ZIM2: variants seen among roughly 807,000 people sequenced by gnomAD.
The protein encoded by ZIM2 is zinc finger imprinted 2.
Under a neutral mutation model 38.6 loss-of-function variants are expected in ZIM2, and 14 were observed. The ratio of observed to expected loss-of-function variants is 0.36; its 90% CI spans 0.24 to 0.57. The LOEUF is 0.57. Ranked by LOEUF, ZIM2 falls within the 20% of genes least tolerant of loss-of-function variation. The probability of loss-of-function intolerance (pLI) is 0.81; values close to 1 mark genes in which losing one functional copy is unlikely to be tolerated. For missense variants in ZIM2, 680 were observed against 695.1 expected (o/e 0.98, Z 0.24); for synonymous variants, 247 against 245.8 (o/e 1.00, Z -0.04).
At chr19:56,812,042 T>C (rs1040153884) in intron 9 of ZIM2, 6 of 984,062 alleles carry the variant, frequency 6.1e-6, no homozygotes, top group Middle Eastern at 5.2e-4. Flanking sequence ...AGAGTAAGAT[T>C]CAGACACATT....
chr19:56,823,500 A>G, intron 5 of ZIM2, 90 bp downstream of exon 5: 3 of 1,492,780 alleles, frequency 2.0e-6, no homozygotes, highest in Non-Finnish European at 2.8e-6. Context: ...ATGGCGGGTC[A>G]TCTTCATGGA....
Position 56,821,727 on chromosome 19 carries a change from G to C in ZIM2, c.218C>G (p.Pro73Arg), listed in dbSNP as rs763203724. The change falls in exon 7 of 13, where the codon CCT (proline) becomes CGT (arginine). Residue 73 changes from proline to arginine, a missense_variant. Coordinates refer to ENST00000629319, the MANE Select transcript of ZIM2 (RefSeq NM_001387356.1). The part of the protein sequence containing the change: ...SRMPPRDLSL[P>R]VVAKTSFEMD... The stretch of plus-strand genomic sequence containing the variant: ...TTCAAAGCTTGTTTTCGCCACCACA[G>C]GAAGGGAAAGATCCCGCGGAGGCAT... 3 of 1,614,066 alleles carry C rather than the reference G, an allele frequency of 1.9e-6. No individual in the cohort carries two copies. Among genetic ancestry groups the C allele is most frequent in the Non-Finnish European group, 2.5e-6 (3 of 1,180,020 alleles).
intron 10 of ZIM2, among the ~76,000 whole-genome samples, chr19:56,782,847 A>C (rs1378527194): frequency 6.6e-6 from 1 of 152,156 alleles, no homozygotes; most frequent in Non-Finnish European, 1.5e-5. Flanking sequence ...TTAGGCATTT[A>C]TCCTTTGAGT....
chr19:56,800,624 G>T lies in ZIM2; in HGVS notation c.491-10673C>A, dbSNP rs192056064. Among the ~76,000 whole-genome samples the T allele has an allele frequency of 5.5e-4, 84 of 152,116 alleles. 1 individual carries two copies. Among genetic ancestry groups the T allele is most frequent in the South Asian group, 3.7e-3 (18 of 4,820 alleles). ...AAGTAAGAGAGAGAAAGAGAGAAAA[G>T]ATTTTTAGACATAAAGATGTATTTT... On this transcript the variant is annotated intron_variant, in intron 9 of 12. Coordinates refer to ENST00000629319, the MANE Select transcript of ZIM2 (RefSeq NM_001387356.1).
Position 56,789,894 on chromosome 19 carries a change from T to A in ZIM2, c.548A>T (p.Asn183Ile). 1.3e-6 allele frequency: 2 copies of A among 1,577,508 alleles called. No individual in the cohort carries two copies. Among genetic ancestry groups the A allele is most frequent in the Non-Finnish European group, 1.7e-6 (2 of 1,154,964 alleles). Residue 183 changes from asparagine (N) to isoleucine (I), a missense_variant, in exon 10 of 13, where the codon AAT becomes ATT. By Grantham distance (149) the Asn-to-Ile change is moderately radical. Transcript: ENST00000629319. Reference protein sequence around the residue: ...AEKRNTEMLDNLPSAGSQFPD... With the variant: ...AEKRNTEMLDILPSAGSQFPD... ...CACCTGGGACCCAGCAGATGGCAGA[T>A]TGTCTAACATCTCTGTGTTCCTCTT...
chr19:56,823,730 A>C (rs1332737435), intron 4 of ZIM2, 51 bp from the exon 5 acceptor site: 42 of 1,600,578 alleles, frequency 2.6e-5, no homozygotes, highest in Non-Finnish European at 3.4e-5. Context: ...CATTCTCACA[A>C]TAGTTCCCCC....
At chr19:56,800,958 C>CA (rs2047494325) in intron 9 of ZIM2, among the ~76,000 whole-genome samples, 1 of 134,328 alleles carries the variant, frequency 7.4e-6, no homozygotes, top group Non-Finnish European at 1.6e-5. Context: ...TTTTTTGAGA[C>CA]AGAGTCTTGC....
Position 56,775,034 on chromosome 19 carries a change from T to G in ZIM2, c.1331A>C (p.Glu444Ala), listed in dbSNP as rs1433000239. 2.5e-6 allele frequency: 4 copies of G among 1,614,106 alleles called. No homozygotes were observed. Among genetic ancestry groups the G allele is most frequent in the Non-Finnish European group, 3.4e-6 (4 of 1,180,024 alleles). Residue 444 changes from glutamate to alanine, a missense_variant, in exon 13 of 13, where the codon GAA becomes GCA. Coordinates refer to ENST00000629319, the MANE Select transcript of ZIM2 (RefSeq NM_001387356.1). ...AAAAGCTTTGCCGCACTGAAAACAT[T>G]CAAAGTAGTCCTCCTGACTGTGAAT... ...VRIHSQEDYF[E>A]CFQCGKAFLQ...
intron 12 of ZIM2, among the ~76,000 whole-genome samples, chr19:56,777,154 C>T (rs1050174564): frequency 6.6e-6 from 1 of 152,144 alleles, no homozygotes; most frequent in African/African-American, 2.4e-5. Context: ...CTGGCAGACA[C>T]TTGAAGTATG....
chr19:56,826,024 T>C (rs1420569461), intron 3 of ZIM2, among the ~76,000 whole-genome samples: 2 of 152,164 alleles, frequency 1.3e-5, no homozygotes, highest in Non-Finnish European at 1.5e-5. Context: ...CACCATCCAA[T>C]GCAAATGCCT....
At chr19:56,831,996 TAATC>T (rs2061611478) in intron 2 of ZIM2, among the ~76,000 whole-genome samples, 1 of 152,102 alleles carries the variant, frequency 6.6e-6, no homozygotes, top group Non-Finnish European at 1.5e-5. Context: ...ATGTAAAAAA[TAATC>T]AAACATATGG....
At chr19:56,806,546 T>C (rs2047764802) in intron 9 of ZIM2, among the ~76,000 whole-genome samples, 1 of 152,186 alleles carries the variant, frequency 6.6e-6, no homozygotes, top group African/African-American at 2.4e-5. Context: ...TGAGAAAATA[T>C]TTACTTCTTC....
chr19:56,779,204 G>A (rs1005505171), intron 12 of ZIM2, among the ~76,000 whole-genome samples, 173 bp downstream of exon 12: 1 of 152,164 alleles, frequency 6.6e-6, no homozygotes, highest in Admixed American at 6.5e-5. Context: ...CTAAGCAGGA[G>A]AGGAGCTCAT....
At chr19:56,779,190 G>C (rs1187686787) in intron 12 of ZIM2, among the ~76,000 whole-genome samples, 187 bp downstream of exon 12, 1 of 152,104 alleles carries the variant, frequency 6.6e-6, no homozygotes, top group Non-Finnish European at 1.5e-5. Flanking sequence ...TGGCCTCCCT[G>C]GAGCTAAGCA....
At chr19:56,839,823 G>A (rs572808913) in intron 1 of ZIM2, among the ~76,000 whole-genome samples, 1 of 152,002 alleles carries the variant, frequency 6.6e-6, no homozygotes, top group East Asian at 2.0e-4. Flanking sequence ...CACCCAGTGG[G>A]TGGGGCTTGA....
chr19:56,836,969 CAAAAAAA>C (rs573566620), intron 1 of ZIM2, among the ~76,000 whole-genome samples: 16 of 116,988 alleles, frequency 1.4e-4, no homozygotes, highest in African/African-American at 3.6e-4. Context: ...GACTCTGTCT[CAAAAAAA>C]AAAAAAAAAA....
chr19:56,778,244 A>G (rs1392907801), intron 12 of ZIM2, among the ~76,000 whole-genome samples: 2 of 152,242 alleles, frequency 1.3e-5, no homozygotes, highest in African/African-American at 4.8e-5. Flanking sequence ...TATCTGGCCC[A>G]CCACAGAAGC....
chr19:56,831,611 G>A (rs1213188131), intron 2 of ZIM2, among the ~76,000 whole-genome samples: 1 of 152,218 alleles, frequency 6.6e-6, no homozygotes, highest in Admixed American at 6.5e-5. Flanking sequence ...CCAAAAATCA[G>A]CATCTCTCCT....
intron 9 of ZIM2, among the ~76,000 whole-genome samples, chr19:56,794,973 T>C (rs1303533593): frequency 1.3e-5 from 2 of 152,252 alleles, no homozygotes; most frequent in African/African-American, 2.4e-5. Context: ...CGGCTTTCTC[T>C]TTGTTTCAGA....
Sources: allele counts gnomAD v4.1 joint callset (sites outside exome capture counted in the v4.1 genomes callset), GRCh38; gene constraint gnomAD v4.1.1; transcripts MANE v1.5; gene names NCBI Gene and HGNC (gene_info 2026-07-23, HGNC 2026-07-21).